The following CDRT4 variants were observed in gnomAD, a reference collection of about 807,000 sequenced individuals.
The protein encoded by CDRT4 is CMT1A duplicated region transcript 4, also known as CMT1A duplicated region transcript 4 protein.
For synonymous variants in CDRT4, 64 were observed against 69.6 expected, an observed-to-expected ratio of 0.92 and a Z score of 0.40; for missense variants, 167 against 193.1, an observed-to-expected ratio of 0.87 and a Z score of 0.80.
At chr17:15,466,967 A>G (rs1489600159) in intron 1 of CDRT4, among the ~76,000 whole-genome samples, 1 of 152,234 alleles carries the variant, frequency 6.6e-6, no homozygotes, top group Non-Finnish European at 1.5e-5. Flanking sequence ...GGTATTTACC[A>G]GTTCTGGCTA....
chr17:15,447,849 G>A (rs998474503), intron 2 of CDRT4, among the ~76,000 whole-genome samples: 3 of 152,100 alleles, frequency 2.0e-5, no homozygotes, highest in South Asian at 2.1e-4. Flanking sequence ...TTTGGGGTAG[G>A]CTTGTACACT....
intron 1 of CDRT4, among the ~76,000 whole-genome samples, chr17:15,465,850 A>G (rs1262724885): frequency 6.6e-6 from 1 of 152,124 alleles, no homozygotes; most frequent in Non-Finnish European, 1.5e-5. Context: ...TGCAGCGCGC[A>G]TCGTGAGGAC....
At chr17:15,438,655 T>C (rs1481446442) in intron 3 of CDRT4, among the ~76,000 whole-genome samples, 6 of 152,220 alleles carry the variant, frequency 3.9e-5, no homozygotes, top group African/African-American at 1.4e-4. Context: ...TGAACAAGTT[T>C]CTTAACCTTG....
chr17:15,460,510 A>G, intron 1 of CDRT4, among the ~76,000 whole-genome samples: 1 of 152,134 alleles, frequency 6.6e-6, no homozygotes, highest in Non-Finnish European at 1.5e-5. Flanking sequence ...ATTCCCTCTT[A>G]CAGAGGGTAA....
chr17:15,452,483 T>G (rs1979306291), intron 2 of CDRT4: 1 of 152,270 alleles, frequency 6.6e-6, no homozygotes, highest in Non-Finnish European at 1.5e-5. Flanking sequence ...CTACTCTGCT[T>G]TCCCTTCGAA....
intron 3 of CDRT4, among the ~76,000 whole-genome samples, chr17:15,438,437 A>AT (rs1316061652): frequency 6.6e-6 from 1 of 152,200 alleles, no homozygotes. Flanking sequence ...AACAGATCTG[A>AT]TTGATTTTAA....
At chr17:15,449,395 A>T (rs1175293143) in intron 2 of CDRT4, among the ~76,000 whole-genome samples, 2 of 152,210 alleles carry the variant, frequency 1.3e-5, no homozygotes, top group African/African-American at 4.8e-5. Flanking sequence ...GGTGACAAAA[A>T]ACAGGATTTG....
intron 1 of CDRT4, among the ~76,000 whole-genome samples, chr17:15,454,627 G>GA (rs1979405157): frequency 6.6e-6 from 1 of 152,128 alleles, no homozygotes; most frequent in Non-Finnish European, 1.5e-5. Flanking sequence ...TTGCAGCCCT[G>GA]GTGTAGAATG....
Position 15,439,032 on chromosome 17 carries a change from A to G in CDRT4, c.32-832T>C, listed in dbSNP as rs868120541. 2.6e-4 allele frequency: 112 copies of G among 433,314 alleles called. 3 individuals are homozygous for G. The highest frequency in any genetic ancestry group is 1.6e-3 in the South Asian group (99 of 60,824). The allele number at this position is 433,314 out of a possible 1,614,324, so 26.8% of individuals were successfully genotyped here. On this transcript the variant is annotated intron_variant, in intron 3 of 3. Transcript: ENST00000619038. ...AGAAATTCAACGCATTAGTTTATCA[A>G]GCAGCCTGTTCCTTTACAGATCCAA...
Sources: gnomAD v4.1 joint callset for allele counts (sites outside exome capture counted in the v4.1 genomes callset) on GRCh38, gnomAD v4.1.1 for gene constraint, MANE v1.5 for transcripts, NCBI Gene and HGNC (gene_info 2026-07-23, HGNC 2026-07-21) for gene names.